Variants in CLRN1 observed in about 807,000 individuals in gnomAD.
CLRN1 encodes the protein clarin-1.
In CLRN1, 15 loss-of-function variants were observed where a neutral mutation model predicts 18.7. That is an observed-to-expected ratio of 0.80 (90% CI 0.54 to 1.23). The LOEUF is 1.23. CLRN1 is among the 50% of genes most tolerant of loss of function. The pLI, the probability that CLRN1 is intolerant of heterozygous loss-of-function variation, is 0.00. For synonymous variants in CLRN1, 104 were observed against 102.9 expected (o/e 1.01, Z -0.07); for missense variants, 311 against 277.5 (o/e 1.12, Z -0.86).
intron 1 of CLRN1, among the ~76,000 whole-genome samples, chr3:150,955,278 C>T (rs1347832694): frequency 6.6e-6 from 1 of 152,042 alleles, no homozygotes; most frequent in African/African-American, 2.4e-5. Flanking sequence ...AGGGAGAACC[C>T]GGGAGTGATG....
chr3:150,940,953 G>A (rs973563226), intron 2 of CLRN1, among the ~76,000 whole-genome samples: 7 of 152,108 alleles, frequency 4.6e-5, no homozygotes, highest in Non-Finnish European at 1.5e-5. Context: ...TATGTGGGCG[G>A]AACACTGGCC....
At chr3:150,965,337 C>A (rs556411296) in intron 1 of CLRN1, among the ~76,000 whole-genome samples, 29 of 152,210 alleles carry the variant, frequency 1.9e-4, no homozygotes, top group Admixed American at 1.6e-3. Flanking sequence ...ATGCCTGGCA[C>A]CTATGAGGCA....
chr3:150,949,855 G>T (rs1714393540), intron 1 of CLRN1, among the ~76,000 whole-genome samples: 1 of 152,092 alleles, frequency 6.6e-6, no homozygotes, highest in Non-Finnish European at 1.5e-5. Context: ...AATGGCCAAG[G>T]TAATTCTAAG....
At chr3:150,947,890 A>G (rs1714258736) in intron 1 of CLRN1, among the ~76,000 whole-genome samples, 1 of 152,232 alleles carries the variant, frequency 6.6e-6, no homozygotes, top group African/African-American at 2.4e-5. Flanking sequence ...TCTCTGGGAC[A>G]CAGCTAAGGC....
In CLRN1 at chr3:150,931,734, C is replaced by T. The variant is rs541823149; in HGVS notation, c.434-3533G>A. Among the ~76,000 whole-genome samples, 39 of 152,306 alleles carry T rather than the reference C, an allele frequency of 2.6e-4. No individual in the cohort carries two copies. The South Asian group carries it at 2.9e-3, about 11-fold the overall frequency. On this transcript the variant is annotated intron_variant, in intron 2 of 2. Transcript: ENST00000327047. ...ATACTCTTGCCCAAGACTTCACAAA[C>T]GGTAGGATCAGTCCTACATGTCTCT...
At chr3:150,971,863 G>C (rs1715553224) in intron 1 of CLRN1, among the ~76,000 whole-genome samples, 1 of 152,178 alleles carries the variant, frequency 6.6e-6, no homozygotes, top group Admixed American at 6.5e-5. Context: ...AGGTCAATCA[G>C]TTTAAAATGT....
intron 1 of CLRN1, among the ~76,000 whole-genome samples, chr3:150,964,635 G>A (rs533974848): frequency 1.3e-3 from 195 of 152,300 alleles, no homozygotes; most frequent in African/African-American, 4.5e-3. Flanking sequence ...GTTCACAATA[G>A]CAAGGACTTG....
At chr3:150,940,635 A>T (rs1713762780) in intron 2 of CLRN1, 2 of 990,512 alleles carry the variant, frequency 2.0e-6, no homozygotes, top group East Asian at 2.8e-5. Context: ...CTTGCCTCCC[A>T]GGAATCTGAC....
Position 150,970,606 on chromosome 3 carries a change from C to T in CLRN1, c.253+1850G>A, listed in dbSNP as rs972074214. On this transcript the variant is annotated intron_variant, in intron 1 of 2. Transcript: ENST00000327047. ...TAACATGTATAGTATATACAGTACACTTAATATGTATAGTCTATTGTATAT... is the reference window on the plus strand; with the variant it reads ...TAACATGTATAGTATATACAGTACATTTAATATGTATAGTCTATTGTATAT... Among the ~76,000 whole-genome samples, 11 of 151,844 alleles carry T rather than the reference C, an allele frequency of 7.2e-5. No homozygotes were observed. In the East Asian group the frequency reaches 2.1e-3, roughly 29 times the overall value.
At chr3:150,943,905 G>T in intron 1 of CLRN1, 1 of 1,613,204 alleles carries the variant, frequency 6.2e-7, no homozygotes, top group Non-Finnish European at 8.5e-7. Context: ...TCACTCGTGT[G>T]CTCCCTCCTG....
At chr3:150,971,705 A>C (rs1379348441) in intron 1 of CLRN1, among the ~76,000 whole-genome samples, 1 of 152,178 alleles carries the variant, frequency 6.6e-6, no homozygotes, top group Non-Finnish European at 1.5e-5. Context: ...ACTTCCTATT[A>C]ATTTTCATTT....
Position 150,953,849 on chromosome 3 carries a change from C to G in CLRN1, c.254-12088G>C, listed in dbSNP as rs148490316. Among the ~76,000 whole-genome samples the G allele has an allele frequency of 1.1e-3, 160 of 152,246 alleles. 1 individual carries two copies. The highest frequency in any genetic ancestry group is 2.7e-3 in the African/African-American group (111 of 41,554). ...TTTATATATATAAAACATAAATTAGCACATTTAATTCTAACAGTATGAGGA... is the reference window on the plus strand; with the variant it reads ...TTTATATATATAAAACATAAATTAGGACATTTAATTCTAACAGTATGAGGA... On this transcript the variant is annotated intron_variant, in intron 1 of 2. Transcript: ENST00000327047.
intron 2 of CLRN1, among the ~76,000 whole-genome samples, chr3:150,933,258 C>T (rs1713257370): frequency 6.6e-6 from 1 of 152,004 alleles, no homozygotes; most frequent in African/African-American, 2.4e-5. Context: ...TCACAGAGCT[C>T]TCAGTGATGG....
intron 1 of CLRN1, among the ~76,000 whole-genome samples, chr3:150,953,636 G>C (rs1383389107): frequency 1.3e-5 from 2 of 152,068 alleles, no homozygotes; most frequent in African/African-American, 4.8e-5. Flanking sequence ...TCCCACCTCA[G>C]CCACTCAAGT....
chr3:150,927,903 A>G lies in CLRN1; in HGVS notation c.*33T>C, dbSNP rs781023454. 18 of 1,613,056 alleles carry G rather than the reference A, an allele frequency of 1.1e-5. No homozygotes were observed. Among genetic ancestry groups the G allele is most frequent in the Non-Finnish European group, 1.5e-5 (18 of 1,179,498 alleles). On this transcript the variant is annotated 3_prime_UTR_variant, in exon 3 of 3. Coordinates refer to ENST00000327047, the MANE Select transcript of CLRN1 (RefSeq NM_174878.3). The stretch of plus-strand genomic sequence containing the variant: ...ATCTAAAAGTGACCAAAGCAAGTCT[A>G]CTCCCTTGTAAAATTATAGAAAGGT...
chr3:150,948,944 A>G (rs139012425), intron 1 of CLRN1, among the ~76,000 whole-genome samples: 1,601 of 152,322 alleles, frequency 0.011, 14 homozygotes, highest in Non-Finnish European at 0.016. Flanking sequence ...ATGAACATCA[A>G]TGCAAAAATC....
chr3:150,964,651 A>G (rs922943562), intron 1 of CLRN1, among the ~76,000 whole-genome samples: 2 of 152,236 alleles, frequency 1.3e-5, no homozygotes, highest in African/African-American at 4.8e-5. Flanking sequence ...ACTTGGAACT[A>G]AGCCAAATGC....
chr3:150,967,371 T>G (rs1715314058), intron 1 of CLRN1, among the ~76,000 whole-genome samples: 1 of 152,178 alleles, frequency 6.6e-6, no homozygotes, highest in Non-Finnish European at 1.5e-5. Flanking sequence ...CATACATTAT[T>G]ATCTTCTATT....
intron 1 of CLRN1, among the ~76,000 whole-genome samples, chr3:150,948,414 G>A (rs1199314125): frequency 6.7e-6 from 1 of 149,020 alleles, no homozygotes; most frequent in African/African-American, 2.5e-5. Flanking sequence ...AACCCGGGAG[G>A]CGGAGCTTGC....
Sources: gnomAD v4.1 joint callset for allele counts (sites outside exome capture counted in the v4.1 genomes callset) on GRCh38, gnomAD v4.1.1 for gene constraint, MANE v1.5 for transcripts, NCBI Gene and HGNC (gene_info 2026-07-23, HGNC 2026-07-21) for gene names.